Variants in ZSWIM5 observed in about 807,000 individuals in gnomAD.
ZSWIM5 encodes zinc finger SWIM-type containing 5.
Under a neutral mutation model 119.6 loss-of-function variants are expected in ZSWIM5, and 55 were observed. The observed-to-expected ratio is 0.46, with a 90% CI of 0.37 to 0.58. The LOEUF is 0.58. ZSWIM5 is among the 20% of genes least tolerant of loss of function. The pLI is 0.00. For missense variants in ZSWIM5, 1,193 were observed against 1,512.8 expected, an observed-to-expected ratio of 0.79 and a Z score of 3.51; for synonymous variants, 537 against 606.9, an observed-to-expected ratio of 0.88 and a Z score of 1.69.
At chr1:45,156,303 A>AG (rs34850352) in intron 1 of ZSWIM5, among the ~76,000 whole-genome samples, 23,927 of 151,842 alleles carry the variant, frequency 0.16, 2,561 homozygotes, top group African/African-American at 0.29. Context: ...GAAAGGAGGG[A>AG]GGGGGCAAAG....
intron 5 of ZSWIM5, among the ~76,000 whole-genome samples, chr1:45,043,987 C>A (rs1218653964): frequency 1.3e-5 from 2 of 151,978 alleles, no homozygotes; most frequent in Non-Finnish European, 2.9e-5. Flanking sequence ...AGTTCAAGAC[C>A]AGCCTGGGCA....
chr1:45,121,745 A>G (rs1192374733), intron 1 of ZSWIM5, among the ~76,000 whole-genome samples: 1 of 151,644 alleles, frequency 6.6e-6, no homozygotes, highest in Non-Finnish European at 1.5e-5. Flanking sequence ...GGTATGTGTC[A>G]CCACACCCAG....
chr1:45,020,479 G>T, intron 12 of ZSWIM5, 146 bp downstream of exon 12: 1 of 1,015,544 alleles, frequency 9.8e-7, no homozygotes, highest in Non-Finnish European at 1.5e-6. Context: ...TGAAATCCTT[G>T]CCTTTTCCCT....
At chr1:45,077,820 A>T (rs752831577) in intron 2 of ZSWIM5, among the ~76,000 whole-genome samples, 41 of 152,240 alleles carry the variant, frequency 2.7e-4, no homozygotes, top group Non-Finnish European at 5.1e-4. Flanking sequence ...ATGCTGAGAA[A>T]AAGAATTCAG....
At chr1:45,081,954 T>C (rs1252910036) in intron 2 of ZSWIM5, among the ~76,000 whole-genome samples, 5 of 152,010 alleles carry the variant, frequency 3.3e-5, no homozygotes, top group African/African-American at 4.8e-5. Context: ...GAAGTAGACA[T>C]GGGAGACTTT....
chr1:45,171,951 A>G (rs1302237630), intron 1 of ZSWIM5, among the ~76,000 whole-genome samples: 1 of 152,146 alleles, frequency 6.6e-6, no homozygotes, highest in Non-Finnish European at 1.5e-5. Context: ...GAATGAGACT[A>G]TTCAAGTTAT....
chr1:45,051,114 G>A lies in ZSWIM5; in HGVS notation c.1392C>T (p.Asn464=), dbSNP rs1645085929. 1 of 1,614,080 alleles carries A rather than the reference G, an allele frequency of 6.2e-7. No homozygotes were observed. The highest frequency in any genetic ancestry group is 1.3e-5 in the African/African-American group (1 of 74,930). The change falls in exon 5 of 14, where the codon AAC becomes AAT. Residue 464 remains asparagine, a synonymous_variant. Coordinates refer to ENST00000359600, the MANE Select transcript of ZSWIM5 (RefSeq NM_020883.2). ...CACTCTGGGGAAGTGCATTGGTGAT[G>A]TTGGGCAGCTCATGTCCATAGTTTC... The part of the protein sequence containing the change: ...EDGNYGHELP[N]ITNALPQSAI...
chr1:45,137,817 T>A (rs1645698908), intron 1 of ZSWIM5, among the ~76,000 whole-genome samples: 1 of 152,186 alleles, frequency 6.6e-6, no homozygotes, highest in Non-Finnish European at 1.5e-5. Flanking sequence ...AATTTGGCTT[T>A]CACTCTAAGT....
At chr1:45,036,521 A>G (rs2148991994) in intron 8 of ZSWIM5, among the ~76,000 whole-genome samples, 1 of 151,924 alleles carries the variant, frequency 6.6e-6, no homozygotes, top group East Asian at 1.9e-4. Flanking sequence ...CACCTGTCGA[A>G]TTTTTGTATT....
At position 45,051,164 on chromosome 1, in the gene ZSWIM5, G is replaced by A; in HGVS notation, c.1342C>T (p.Leu448=). The A allele has an allele frequency of 6.2e-7, 1 of 1,614,180 alleles. No homozygotes were observed. The highest frequency in any genetic ancestry group is 2.2e-5 in the East Asian group (1 of 44,890). ...WLQQLQKWSD[L]DVCPLEDGNY... The stretch of plus-strand genomic sequence containing the variant: ...CCATCCTCCAGGGGACAGACATCCA[G>A]GTCGCTCCACTTCTGCAGCTGCTGC... Residue 448 remains leucine (L), a synonymous_variant, in exon 5 of 14, where the codon CTG becomes TTG. Transcript: ENST00000359600.
At chr1:45,148,483 G>T (rs1015346458) in intron 1 of ZSWIM5, among the ~76,000 whole-genome samples, 1 of 149,934 alleles carries the variant, frequency 6.7e-6, no homozygotes, top group African/African-American at 2.5e-5. Context: ...AATTTGAAGA[G>T]AAGTTTCATT....
At chr1:45,032,137 T>C (rs1420670305) in intron 11 of ZSWIM5, among the ~76,000 whole-genome samples, 1 of 152,106 alleles carries the variant, frequency 6.6e-6, no homozygotes, top group African/African-American at 2.4e-5. Context: ...TCATCTCTCT[T>C]TTTTTTAAGA....
intron 2 of ZSWIM5, among the ~76,000 whole-genome samples, chr1:45,077,006 C>G (rs899508894): frequency 2.6e-5 from 4 of 152,046 alleles, no homozygotes; most frequent in African/African-American, 9.7e-5. Context: ...AACTCCTTCT[C>G]TGTGTTATCT....
chr1:45,163,507 C>G (rs578076798), intron 1 of ZSWIM5, among the ~76,000 whole-genome samples: 1 of 152,120 alleles, frequency 6.6e-6, no homozygotes, highest in Non-Finnish European at 1.5e-5. Context: ...TTCAGAAGAT[C>G]GGTAATAACA....
intron 1 of ZSWIM5, among the ~76,000 whole-genome samples, chr1:45,099,781 G>A (rs911838514): frequency 4.6e-5 from 7 of 152,136 alleles, no homozygotes; most frequent in African/African-American, 1.7e-4. Context: ...CACACAAACA[G>A]AACCAACAAC....
chr1:45,188,780 G>A (rs1239239505), intron 1 of ZSWIM5, among the ~76,000 whole-genome samples: 3 of 152,132 alleles, frequency 2.0e-5, no homozygotes, highest in Admixed American at 2.0e-4. Flanking sequence ...ACCCTAGCAA[G>A]GCTAACCTGT....
chr1:45,192,555 C>T (rs537686152), intron 1 of ZSWIM5, among the ~76,000 whole-genome samples: 3 of 152,292 alleles, frequency 2.0e-5, no homozygotes, highest in African/African-American at 7.2e-5. Flanking sequence ...ATCCATTCAT[C>T]TGTCGATGGA....
rs1454696955 is a variant in ZSWIM5, at chr1:45,034,522, G to A, written c.2292-53C>T. The A allele has an allele frequency of 4.5e-6, 7 of 1,543,348 alleles. No homozygotes were observed. In the East Asian group the frequency reaches 1.6e-4, roughly 35 times the overall value. On this transcript the variant is annotated intron_variant, in intron 10 of 13. Coordinates refer to ENST00000359600, the MANE Select transcript of ZSWIM5 (RefSeq NM_020883.2). ...CACCATCCAGACCCTGGGCTTCCGA[G>A]CCACCTTAGAGAAGCTTGCTCTTTG...
At position 45,166,655 on chromosome 1, in the gene ZSWIM5, C is replaced by G. The variant is rs1332307730; in HGVS notation, c.595+39101G>C. Among the ~76,000 whole-genome samples the G allele has an allele frequency of 2.6e-5, 4 of 152,106 alleles. No individual in the cohort carries two copies. In the East Asian group the frequency reaches 7.7e-4, roughly 29 times the overall value. Reference sequence around the variant, plus strand: ...AAACAAAAGCAATGTGCAAAAATCACAAGCATTCCTATACACCAATAACAG... The same window carrying G: ...AAACAAAAGCAATGTGCAAAAATCAGAAGCATTCCTATACACCAATAACAG... On this transcript the variant is annotated intron_variant, in intron 1 of 13. Transcript: ENST00000359600.
Sources: allele counts gnomAD v4.1 joint callset (sites outside exome capture counted in the v4.1 genomes callset), GRCh38; gene constraint gnomAD v4.1.1; transcripts MANE v1.5; gene names NCBI Gene and HGNC (gene_info 2026-07-23, HGNC 2026-07-21).